Variants in MYO15A observed in about 807,000 individuals in gnomAD.
MYO15A encodes unconventional myosin-XV.
In MYO15A, 308 loss-of-function variants were observed where a neutral mutation model predicts 394.6. The ratio of observed to expected loss-of-function variants is 0.78; its 90% CI spans 0.71 to 0.86. The LOEUF (loss-of-function observed/expected upper bound fraction) is 0.86, where lower values mean the gene tolerates loss of function less well. Among genes scored for constraint, MYO15A ranks in the 40% least tolerant of loss-of-function variants. The pLI is 0.00. For synonymous variants in MYO15A, 1,957 were observed against 2,003.8 expected (o/e 0.98, Z 0.62); for missense variants, 4,606 against 4,799.1 (o/e 0.96, Z 1.19).
chr17:18,131,645 C>A, intron 10 of MYO15A, 114 bp downstream of exon 10: 1 of 1,222,922 alleles, frequency 8.2e-7, no homozygotes, highest in Non-Finnish European at 1.2e-6. Context: ...TGAACGAATA[C>A]ATGCGTACAT....
intron 62 of MYO15A, 145 bp from the exon 63 acceptor site, chr17:18,171,493 C>A (rs1290872996): frequency 4.0e-6 from 5 of 1,253,164 alleles, no homozygotes; most frequent in Non-Finnish European, 5.8e-6. Context: ...ACCTCTACCC[C>A]ACTTTCAGCC....
chr17:18,134,407 C>T (rs1401883008), intron 12 of MYO15A, among the ~76,000 whole-genome samples: 2 of 152,188 alleles, frequency 1.3e-5, no homozygotes, highest in Non-Finnish European at 2.9e-5. Context: ...TTTGGAGAAA[C>T]TTCCTAAAAT....
chr17:18,136,790 G>T, intron 15 of MYO15A, 104 bp downstream of exon 15: 1 of 1,470,252 alleles, frequency 6.8e-7, no homozygotes, highest in South Asian at 1.3e-5. Context: ...CCTGCAGCAG[G>T]TGCCATCCTC....
chr17:18,149,112 CT>C, intron 33 of MYO15A, 103 bp from the exon 34 acceptor site: 2 of 1,520,526 alleles, frequency 1.3e-6, no homozygotes, highest in Non-Finnish European at 1.8e-6. Context: ...AAGGATCCTG[CT>C]TTTAAATGGA....
At chr17:18,174,058 C>T (rs572919460) in intron 65 of MYO15A, 137 bp downstream of exon 65, 3 of 1,259,688 alleles carry the variant, frequency 2.4e-6, no homozygotes, top group South Asian at 1.5e-5. Context: ...CAGCACAGCA[C>T]GGAACTGCAG....
intron 13 of MYO15A, 70 bp downstream of exon 13, chr17:18,135,894 A>G: frequency 1.4e-6 from 2 of 1,431,078 alleles, no homozygotes; most frequent in Admixed American, 1.9e-5. Flanking sequence ...GCTTGTGCCG[A>G]TCCTTTGTGG....
Position 18,122,297 on chromosome 17 carries a change from C to G in MYO15A, c.3497C>G (p.Pro1166Arg), listed in dbSNP as rs2045953975. The change falls in exon 2 of 66, where the codon CCC becomes CGC. Residue 1166 changes from proline to arginine, a missense_variant. By Grantham distance (103) the Pro-to-Arg change is moderately radical. Around this residue, in one of 2 missense-constraint regions of MYO15A, gnomAD observed 1,830 missense variants for 1,689.7 expected, o/e 1.08. Transcript: ENST00000647165. ...CLWLRADAYG[P>R]WPRVHTHPQS... ...TGGCTTCGGGCAGATGCCTATGGAC[C>G]CTGGCCACGAGTACACACCCATCCC... 6.2e-7 allele frequency: 1 copy of G among 1,612,956 alleles called. No individual in the cohort carries two copies. The highest frequency in any genetic ancestry group is 8.5e-7 in the Non-Finnish European group (1 of 1,180,010).
Position 18,121,225 on chromosome 17 carries a change from C to A in MYO15A, c.2425C>A (p.Pro809Thr). 1 of 1,487,486 alleles carries A rather than the reference C, an allele frequency of 6.7e-7. No homozygotes were observed. Among genetic ancestry groups the A allele is most frequent in the South Asian group, 1.2e-5 (1 of 80,094 alleles). The allele number at this position is 1,487,486 out of a possible 1,614,324, so 92.1% of individuals were successfully genotyped here. A position where few individuals can be genotyped will look rare whatever the true frequency, so the allele number is the denominator to read the frequency against. Residue 809 changes from proline to threonine, a missense_variant, in exon 2 of 66, where the codon CCC (proline) becomes ACC (threonine). Pro to Thr is a conservative substitution (Grantham distance 38, BLOSUM62 -1). Around this residue, in one of 2 missense-constraint regions of MYO15A, gnomAD observed 1,830 missense variants for 1,689.7 expected, o/e 1.08. Transcript: ENST00000647165. The surrounding 1 kb of genome is among the most constrained non-coding windows in gnomAD (Gnocchi z 5.3). ...CTTGCGCACGGGCCCCTTCCAGCCGCCCTTCCTGCCCCCGGCCCGCCGGCC... is the reference window on the plus strand; with the variant it reads ...CTTGCGCACGGGCCCCTTCCAGCCGACCTTCCTGCCCCCGGCCCGCCGGCC... ...LSLRTGPFQPPFLPPARRPRS... is the reference protein window; with the variant it reads ...LSLRTGPFQPTFLPPARRPRS...
chr17:18,144,081 A>G (rs190245383), intron 28 of MYO15A, 81 bp downstream of exon 28: 2 of 1,597,212 alleles, frequency 1.3e-6, no homozygotes, highest in African/African-American at 1.3e-5. Context: ...GCCCTGGGGC[A>G]GGCTCCTGGC....
chr17:18,160,366 C>T (rs1324545615), intron 56 of MYO15A, among the ~76,000 whole-genome samples: 1 of 152,170 alleles, frequency 6.6e-6, no homozygotes, highest in Non-Finnish European at 1.5e-5. Context: ...ATAGCTGGAT[C>T]CAGGTGTCAT....
intron 60 of MYO15A, chr17:18,164,134 C>T (rs2046815806): frequency 2.2e-6 from 1 of 462,962 alleles, no homozygotes; most frequent in Non-Finnish European, 4.0e-6. Flanking sequence ...AAGGAGATTA[C>T]ATCCTGGAAA....
intron 17 of MYO15A, among the ~76,000 whole-genome samples, chr17:18,138,489 T>C (rs2046320972): frequency 6.6e-6 from 1 of 152,160 alleles, no homozygotes; most frequent in African/African-American, 2.4e-5. Context: ...TAGGTAACCT[T>C]GGAATTGGGC....
At chr17:18,157,336 G>A (rs969843739) in intron 50 of MYO15A, 106 bp downstream of exon 50, 17 of 1,453,238 alleles carry the variant, frequency 1.2e-5, no homozygotes, top group Non-Finnish European at 1.6e-5. Context: ...AGTGGCCTGG[G>A]CTGGTCAGGT....
Position 18,158,648 on chromosome 17 carries a change from G to A in MYO15A, c.9083+10G>A. On this transcript the variant is annotated intron_variant, in intron 52 of 65. Transcript: ENST00000647165. ...CTCAGAGGAGACCCCAGTGAGTGGC[G>A]GCCCCACCCCTCTTCCCACAGTGGG... The A allele has an allele frequency of 6.2e-7, 1 of 1,612,844 alleles. No homozygotes were observed. The highest frequency in any genetic ancestry group is 8.5e-7 in the Non-Finnish European group (1 of 1,178,852).
chr17:18,162,955 G>A (rs189043135), intron 58 of MYO15A, among the ~76,000 whole-genome samples: 5 of 152,174 alleles, frequency 3.3e-5, no homozygotes, highest in Admixed American at 2.0e-4. Flanking sequence ...AGCCAAGATC[G>A]TGCCACTGCA....
At chr17:18,155,933 A>G (rs1346569737) in intron 47 of MYO15A, 4 of 533,338 alleles carry the variant, frequency 7.5e-6, no homozygotes, top group Non-Finnish European at 1.4e-5. Context: ...GTAGGTGCAA[A>G]TCTAGATTTA....
Position 18,122,344 on chromosome 17 carries a change from G to A in MYO15A, c.3544G>A (p.Gly1182Arg), listed in dbSNP as rs763119472. Residue 1182 changes from glycine (G) to arginine (R), a missense_variant, in exon 2 of 66, where the codon GGA (glycine) becomes AGA (arginine). Physicochemically the swap from Gly to Arg is moderately radical, Grantham distance 125. Transcript: ENST00000647165. ...TCCCCAGTCCTGCCACCTGGGCCCT[G>A]GAGCTGCCTGCCTGTCCCTTAGGGG... is the stretch of plus-strand genomic sequence containing the variant. ...THPQSCHLGP[G>R]AACLSLRGSW... 1 of 1,612,898 alleles carries A rather than the reference G, an allele frequency of 6.2e-7. No individual in the cohort carries two copies. Among genetic ancestry groups the A allele is most frequent in the East Asian group, 2.2e-5 (1 of 44,878 alleles).
chr17:18,157,278 C>T (rs1015170607), intron 50 of MYO15A, 48 bp downstream of exon 50: 7 of 1,560,006 alleles, frequency 4.5e-6, no homozygotes, highest in African/African-American at 1.4e-5. Context: ...ATCCTAGTTT[C>T]ACCCACTCGT....
chr17:18,164,202 C>T (rs763681399), intron 60 of MYO15A: 1 of 337,014 alleles, frequency 3.0e-6, no homozygotes, highest in South Asian at 2.5e-5. Flanking sequence ...AGGTGCAAGC[C>T]TTCTTTCCTG....
Sources: allele counts gnomAD v4.1 joint callset (sites outside exome capture counted in the v4.1 genomes callset), GRCh38; gene constraint gnomAD v4.1.1; regional missense constraint gnomAD v4.1.1; non-coding constraint Gnocchi (gnomAD v3.1); transcripts MANE v1.5; gene names NCBI Gene and HGNC (gene_info 2026-07-23, HGNC 2026-07-21).